The following MTHFD1 variants were observed in gnomAD, a reference collection of about 807,000 sequenced individuals.
MTHFD1 encodes C-1-tetrahydrofolate synthase, cytoplasmic.
In MTHFD1, 44 loss-of-function variants were observed where a neutral mutation model predicts 110.3. That is an observed-to-expected ratio of 0.40 (90% CI 0.31 to 0.51). The LOEUF is 0.51. Among genes scored for constraint, MTHFD1 ranks in the 20% least tolerant of loss-of-function variants. The pLI, the probability that MTHFD1 is intolerant of heterozygous loss-of-function variation, is 0.60. For synonymous variants in MTHFD1, 402 were observed against 428.8 expected (o/e 0.94, Z 0.77); for missense variants, 909 against 1,173.1 (o/e 0.77, Z 3.29).
intron 16 of MTHFD1, among the ~76,000 whole-genome samples, chr14:64,437,504 C>T (rs2078215413): frequency 6.6e-6 from 1 of 152,238 alleles, no homozygotes; most frequent in Non-Finnish European, 1.5e-5. Flanking sequence ...TCAGCTTTCA[C>T]TTCTCCAGTG....
At chr14:64,418,491 TTAAAAG>T (rs2078043930) in intron 7 of MTHFD1, among the ~76,000 whole-genome samples, 1 of 139,222 alleles carries the variant, frequency 7.2e-6, no homozygotes, top group Non-Finnish European at 1.7e-5. Flanking sequence ...AAACATAAAA[TTAAAAG>T]CATGCTGAAG....
intron 21 of MTHFD1, among the ~76,000 whole-genome samples, chr14:64,444,227 C>T (rs1032477991): frequency 4.6e-5 from 7 of 152,168 alleles, no homozygotes; most frequent in Non-Finnish European, 2.9e-5. Flanking sequence ...CCCTGCACCA[C>T]GGTTCAGCTC....
intron 15 of MTHFD1, among the ~76,000 whole-genome samples, chr14:64,433,832 A>G (rs2078182047): frequency 6.6e-6 from 1 of 150,838 alleles, no homozygotes; most frequent in South Asian, 2.1e-4. Flanking sequence ...GGAGTTTGAG[A>G]CCAGCCTGAC....
chr14:64,431,925 G>C lies in MTHFD1; in HGVS notation c.1494+64G>C, dbSNP rs540528835. The C allele has an allele frequency of 1.4e-5, 20 of 1,429,438 alleles. No individual in the cohort carries two copies. The African/African-American group carries it at 2.5e-4, about 18-fold the overall frequency. The allele number at this position is 1,429,438 out of a possible 1,614,324, so 88.5% of individuals were successfully genotyped here. A position where few individuals can be genotyped will look rare whatever the true frequency, so the allele number is the denominator to read the frequency against. ...AATCTGGAATCTGATCATTGATTAG[G>C]ACATAAAAGTCTTCTTGGAGTAGCC... On this transcript the variant is annotated intron_variant, in intron 15 of 27. Transcript: ENST00000652337.
intron 16 of MTHFD1, among the ~76,000 whole-genome samples, chr14:64,436,945 T>C (rs1279679974): frequency 6.6e-6 from 1 of 152,226 alleles, no homozygotes; most frequent in African/African-American, 2.4e-5. Context: ...GATACTTTTT[T>C]CTTTTGAAAA....
At chr14:64,395,500 C>T (rs190316333) in intron 1 of MTHFD1, among the ~76,000 whole-genome samples, 4 of 152,286 alleles carry the variant, frequency 2.6e-5, no homozygotes, top group Admixed American at 2.6e-4. Flanking sequence ...TACCAGGACT[C>T]CGAAGGTTCT....
intron 22 of MTHFD1, among the ~76,000 whole-genome samples, chr14:64,445,606 T>G (rs991850333): frequency 5.3e-5 from 8 of 152,178 alleles, no homozygotes; most frequent in Non-Finnish European, 7.3e-5. Flanking sequence ...CCAAATGAAG[T>G]ATTTCAAAAC....
At chr14:64,402,637 C>T (rs1055753207) in intron 2 of MTHFD1, among the ~76,000 whole-genome samples, 3 of 151,940 alleles carry the variant, frequency 2.0e-5, no homozygotes, top group Non-Finnish European at 4.4e-5. Context: ...AAAGTGAGAT[C>T]CCATCTCCAC....
chr14:64,449,430 A>G lies in MTHFD1; in HGVS notation c.2280-15A>G, dbSNP rs745318514. On this transcript the variant is annotated splice_polypyrimidine_tract_variant and intron_variant, in intron 23 of 27. Coordinates refer to ENST00000652337, the MANE Select transcript of MTHFD1 (RefSeq NM_005956.4). ...GCCATTTTCCATGCTTTGATATGAA[A>G]TGCTTCCTTTATAGGACGGATACAG... is the stretch of plus-strand genomic sequence containing the variant. The G allele has an allele frequency of 6.2e-7, 1 of 1,612,408 alleles. No homozygotes were observed. Among genetic ancestry groups the G allele is most frequent in the Non-Finnish European group, 8.5e-7 (1 of 1,179,944 alleles).
chr14:64,441,786 G>A, intron 19 of MTHFD1: 2 of 558,682 alleles, frequency 3.6e-6, no homozygotes, highest in East Asian at 3.1e-5. Flanking sequence ...CTGGGCGACA[G>A]AGCGAGACTC....
intron 3 of MTHFD1, among the ~76,000 whole-genome samples, chr14:64,411,739 A>C (rs1434224399): frequency 6.6e-6 from 1 of 152,140 alleles, no homozygotes; most frequent in African/African-American, 2.4e-5. Context: ...ATCTCTACTA[A>C]AAATACAAAA....
At chr14:64,429,916 G>A (rs1017856323) in intron 12 of MTHFD1, among the ~76,000 whole-genome samples, 6 of 152,128 alleles carry the variant, frequency 3.9e-5, no homozygotes, top group Non-Finnish European at 5.9e-5. Context: ...TGTCAGCTGG[G>A]TGTTTTAACA....
chr14:64,421,716 C>A (rs928306907), intron 8 of MTHFD1, among the ~76,000 whole-genome samples: 2 of 151,820 alleles, frequency 1.3e-5, no homozygotes. Flanking sequence ...CTCCGCCTTG[C>A]GGGTTCATGC....
chr14:64,427,704 T>C (rs1404798958), intron 12 of MTHFD1, among the ~76,000 whole-genome samples: 1 of 152,218 alleles, frequency 6.6e-6, no homozygotes, highest in Non-Finnish European at 1.5e-5. Context: ...ATGGGTGATA[T>C]GTAGCTGGAG....
rs1255014936 is a variant in MTHFD1, at chr14:64,388,451, C to T, written c.24C>T (p.Asn8=). 1 of 1,614,008 alleles carries T rather than the reference C, an allele frequency of 6.2e-7. No individual in the cohort carries two copies. The highest frequency in any genetic ancestry group is 8.5e-7 in the Non-Finnish European group (1 of 1,180,006). MAPAEIL[N]GKEISAQIRA... ...CCATGGCGCCAGCAGAAATCCTGAA[C>T]GGGAAGGAGATCTCCGCGTAAGCAC... Residue 8 remains asparagine, a synonymous_variant, in exon 1 of 28, where the codon AAC becomes AAT. Coordinates refer to ENST00000652337, the MANE Select transcript of MTHFD1 (RefSeq NM_005956.4).
intron 26 of MTHFD1, among the ~76,000 whole-genome samples, chr14:64,457,317 ACTC>A (rs1446578989): frequency 2.6e-5 from 4 of 152,076 alleles, no homozygotes; most frequent in African/African-American, 9.6e-5. Context: ...CGAGTGAGCA[ACTC>A]CTCTACTCCC....
At chr14:64,412,980 G>T (rs1324958754) in intron 4 of MTHFD1, among the ~76,000 whole-genome samples, 1 of 151,950 alleles carries the variant, frequency 6.6e-6, no homozygotes, top group Admixed American at 6.6e-5. Context: ...AGAGGAGATG[G>T]TGCAGGGATG....
chr14:64,404,809 C>A (rs898965209), intron 2 of MTHFD1, among the ~76,000 whole-genome samples: 1 of 151,968 alleles, frequency 6.6e-6, no homozygotes. Context: ...CATCTCTACT[C>A]AAAATACAAA....
At chr14:64,394,109 CAA>C (rs2077828381) in intron 1 of MTHFD1, among the ~76,000 whole-genome samples, 1 of 152,048 alleles carries the variant, frequency 6.6e-6, no homozygotes, top group South Asian at 2.1e-4. Context: ...CTTAATTGAC[CAA>C]AAAGCAGCTT....
Sources: allele counts gnomAD v4.1 joint callset (sites outside exome capture counted in the v4.1 genomes callset), GRCh38; gene constraint gnomAD v4.1.1; transcripts MANE v1.5; gene names NCBI Gene and HGNC (gene_info 2026-07-23, HGNC 2026-07-21).